Variants in CDH20 observed in about 807,000 individuals in gnomAD.
CDH20 encodes the protein cadherin-20.
In CDH20, 29 loss-of-function variants were observed where a neutral mutation model predicts 74.2. That is an observed-to-expected ratio of 0.39 (90% CI 0.29 to 0.53). The LOEUF (loss-of-function observed/expected upper bound fraction) is 0.53, where lower values mean the gene tolerates loss of function less well. Among genes scored for constraint, CDH20 ranks in the 20% least tolerant of loss-of-function variants. The pLI, the probability that CDH20 is intolerant of heterozygous loss-of-function variation, is 0.69. For missense variants in CDH20, 988 were observed against 1,048.3 expected, an observed-to-expected ratio of 0.94 and a Z score of 0.79; for synonymous variants, 469 against 405.4, an observed-to-expected ratio of 1.16 and a Z score of -1.88.
chr18:61,359,625 G>A (rs1022682226), intron 1 of CDH20, among the ~76,000 whole-genome samples: 10 of 152,002 alleles, frequency 6.6e-5, no homozygotes, highest in Admixed American at 1.3e-4. Context: ...CTTGAGGCAC[G>A]GTTTATTTAA....
chr18:61,402,541 C>T (rs967396918), intron 1 of CDH20, among the ~76,000 whole-genome samples: 6 of 152,180 alleles, frequency 3.9e-5, no homozygotes, highest in African/African-American at 1.4e-4. Flanking sequence ...GCCTAAACTA[C>T]TCCCTGATTG....
chr18:61,347,004 A>G (rs1910133365), intron 1 of CDH20, among the ~76,000 whole-genome samples: 1 of 151,942 alleles, frequency 6.6e-6, no homozygotes, highest in Non-Finnish European at 1.5e-5. Context: ...AGATAACCCA[A>G]TGGTCCATCG....
At chr18:61,368,448 C>A (rs564147731) in intron 1 of CDH20, among the ~76,000 whole-genome samples, 3 of 150,236 alleles carry the variant, frequency 2.0e-5, no homozygotes, top group East Asian at 2.0e-4. Flanking sequence ...GGGTGGGGGG[C>A]AACAACTACT....
intron 1 of CDH20, among the ~76,000 whole-genome samples, chr18:61,484,627 T>C (rs1364731721): frequency 6.6e-6 from 1 of 152,152 alleles, no homozygotes; most frequent in Non-Finnish European, 1.5e-5. Flanking sequence ...AGGGTCAGCA[T>C]GTATACAGGT....
rs1911256854 is a variant in CDH20 at position 61,498,716 on chromosome 18, C to T, written c.247-470C>T. Reference sequence around the variant, plus strand: ...GTGCCCTTAACCTTTTTATAAACTACTTCCATCAGCTTATCAGCCAACTTG... The same window carrying T: ...GTGCCCTTAACCTTTTTATAAACTATTTCCATCAGCTTATCAGCCAACTTG... On this transcript the variant is annotated intron_variant, in intron 2 of 11. Transcript: ENST00000262717. Among the ~76,000 whole-genome samples, 6 of 152,348 alleles carry T rather than the reference C, an allele frequency of 3.9e-5. No homozygotes were observed. The South Asian group carries it at 1.2e-3, about 32-fold the overall frequency.
intron 1 of CDH20, among the ~76,000 whole-genome samples, chr18:61,403,332 G>A (rs1054770524): frequency 1.3e-5 from 2 of 152,160 alleles, no homozygotes; most frequent in African/African-American, 4.8e-5. Context: ...GGTCAGTTTG[G>A]TTTTACCACT....
At chr18:61,459,179 T>C (rs900467287) in intron 1 of CDH20, among the ~76,000 whole-genome samples, 4 of 152,208 alleles carry the variant, frequency 2.6e-5, no homozygotes, top group African/African-American at 9.7e-5. Context: ...TTGCTATCAT[T>C]GTGGCTATTA....
intron 1 of CDH20, among the ~76,000 whole-genome samples, chr18:61,456,505 T>C (rs557201567): frequency 6.6e-6 from 1 of 152,278 alleles, no homozygotes; most frequent in East Asian, 1.9e-4. Flanking sequence ...ATTAAAACTA[T>C]GCATGGTTAA....
intron 1 of CDH20, among the ~76,000 whole-genome samples, chr18:61,431,233 C>T (rs981321896): frequency 6.6e-6 from 1 of 152,030 alleles, no homozygotes; most frequent in African/African-American, 2.4e-5. Context: ...ATCAGACAAA[C>T]CCAAATTGAA....
intron 1 of CDH20, among the ~76,000 whole-genome samples, chr18:61,447,629 C>T (rs921986851): frequency 4.6e-5 from 7 of 152,166 alleles, no homozygotes; most frequent in African/African-American, 1.4e-4. Context: ...AAGGATGCAG[C>T]AATGAAAAGG....
rs1353917183 is a variant in CDH20 at position 61,554,608 on chromosome 18, C to T, written c.2319C>T (p.Ser773=). Residue 773 remains serine, a synonymous_variant, in exon 12 of 12, where the codon AGC becomes AGT. Coordinates refer to ENST00000262717, the MANE Select transcript of CDH20 (RefSeq NM_031891.4). The stretch of plus-strand genomic sequence containing the variant: ...CGGCCACGTCGGACTCGGAACAGAG[C>T]TTCGACTTCCTGACGGACTGGGGGC... ...LQSATSDSEQ[S]FDFLTDWGPR... 5 of 1,608,194 alleles carry T rather than the reference C, an allele frequency of 3.1e-6. No individual in the cohort carries two copies. In the South Asian group the frequency reaches 3.3e-5, roughly 11 times the overall value.
chr18:61,354,345 C>A (rs1218574880), intron 1 of CDH20, among the ~76,000 whole-genome samples: 1 of 152,162 alleles, frequency 6.6e-6, no homozygotes, highest in Admixed American at 6.5e-5. Context: ...TGGTGGCTCA[C>A]GCCTGTGGTC....
At chr18:61,384,121 G>A (rs1568119248) in intron 1 of CDH20, among the ~76,000 whole-genome samples, 2 of 152,152 alleles carry the variant, frequency 1.3e-5, no homozygotes, top group Non-Finnish European at 2.9e-5. Flanking sequence ...GGTGAAAATG[G>A]CTTACAAAAC....
intron 1 of CDH20, among the ~76,000 whole-genome samples, chr18:61,381,383 A>C (rs1911427847): frequency 6.6e-6 from 1 of 152,358 alleles, no homozygotes; most frequent in Non-Finnish European, 1.5e-5. Context: ...TAATACAAAA[A>C]GTAATGTTAG....
chr18:61,554,056 A>C, intron 11 of CDH20, 134 bp from the exon 12 acceptor site: 1 of 1,053,582 alleles, frequency 9.5e-7, no homozygotes, highest in East Asian at 2.6e-5. Flanking sequence ...GAGGTTTCAG[A>C]TATCCAAAAG....
At chr18:61,517,417 T>A (rs1912036253) in intron 6 of CDH20, among the ~76,000 whole-genome samples, 1 of 152,096 alleles carries the variant, frequency 6.6e-6, no homozygotes, top group Non-Finnish European at 1.5e-5. Flanking sequence ...GGTTAGATAG[T>A]GGGTGCAGCC....
At chr18:61,494,423 T>C (rs1911062137) in intron 2 of CDH20, among the ~76,000 whole-genome samples, 1 of 152,188 alleles carries the variant, frequency 6.6e-6, no homozygotes, top group Non-Finnish European at 1.5e-5. Flanking sequence ...CACCCATGCA[T>C]CTCAACAGTC....
intron 7 of CDH20, among the ~76,000 whole-genome samples, chr18:61,535,356 A>T (rs1227088954): frequency 6.6e-6 from 1 of 152,138 alleles, no homozygotes; most frequent in African/African-American, 2.4e-5. Context: ...GATAAAAATT[A>T]CTTGGCCTTT....
chr18:61,341,042 A>C (rs1909930688), intron 1 of CDH20, among the ~76,000 whole-genome samples: 1 of 152,182 alleles, frequency 6.6e-6, no homozygotes, highest in Non-Finnish European at 1.5e-5. Flanking sequence ...TCACCTACCT[A>C]CCACTGTTGA....
Sources: allele counts gnomAD v4.1 joint callset (sites outside exome capture counted in the v4.1 genomes callset), GRCh38; gene constraint gnomAD v4.1.1; transcripts MANE v1.5; gene names NCBI Gene and HGNC (gene_info 2026-07-23, HGNC 2026-07-21).